Variants in PCLO observed in about 807,000 individuals in gnomAD.
PCLO encodes piccolo presynaptic cytomatrix protein.
In PCLO, 82 loss-of-function variants were observed where a neutral mutation model predicts 427.5. The ratio of observed to expected loss-of-function variants is 0.19; its 90% confidence interval spans 0.16 to 0.23. The LOEUF is 0.23. Among genes scored for constraint, PCLO ranks in the 10% least tolerant of loss-of-function variants. The probability of loss-of-function intolerance (pLI) is 1.00; values close to 1 mark genes in which losing one functional copy is unlikely to be tolerated. For missense variants in PCLO, 6,239 were observed against 6,115.9 expected (o/e 1.02, Z -0.67); for synonymous variants, 2,357 against 2,155.4 (o/e 1.09, Z -2.59).
intron 20 of PCLO, among the ~76,000 whole-genome samples, chr7:82,812,917 A>G (rs1464629364): frequency 6.6e-6 from 1 of 151,574 alleles, no homozygotes; most frequent in Non-Finnish European, 1.5e-5. Flanking sequence ...TTGGAGAAAA[A>G]AAAAACTCAA....
rs760707503 is a variant in PCLO, at chr7:83,046,893, C to T, written c.3301-80406G>A. Among the ~76,000 whole-genome samples the T allele has an allele frequency of 3.3e-5, 5 of 151,788 alleles. No individual in the cohort carries two copies. In the South Asian group the frequency reaches 6.2e-4, roughly 19 times the overall value. ...AGCAAAGCTGGGTTTTGCCCAGAAGCAAGAATTTTAAAAGTAAGAAGAAAA... is the reference window on the plus strand; with the variant it reads ...AGCAAAGCTGGGTTTTGCCCAGAAGTAAGAATTTTAAAAGTAAGAAGAAAA... On this transcript the variant is annotated intron_variant, in intron 3 of 24. Coordinates refer to ENST00000333891, the MANE Select transcript of PCLO (RefSeq NM_033026.6).
chr7:83,093,490 ATATTT>A (rs1193959700), intron 3 of PCLO, among the ~76,000 whole-genome samples: 1 of 66,004 alleles, frequency 1.5e-5, no homozygotes, highest in Non-Finnish European at 2.7e-5. Context: ...ATATATATAT[ATATTT>A]TTTTTTTTTT....
rs1380706112 is a variant in PCLO at position 82,809,503 on chromosome 7, T to A, written c.14792-3674A>T. ...CCTATGTCTGGACTCTTGTAGCACATACTCTGTCGTTATTGGAAGCAAAGC... is the reference window on the plus strand; with the variant it reads ...CCTATGTCTGGACTCTTGTAGCACAAACTCTGTCGTTATTGGAAGCAAAGC... On this transcript the variant is annotated intron_variant, in intron 20 of 24. Coordinates refer to ENST00000333891, the MANE Select transcript of PCLO (RefSeq NM_033026.6). 2.0e-5 allele frequency among the ~76,000 whole-genome samples: 3 copies of A among 151,686 alleles called. No homozygotes were observed. In the South Asian group the frequency reaches 6.2e-4, roughly 31 times the overall value.
intron 22 of PCLO, among the ~76,000 whole-genome samples, chr7:82,782,981 C>G (rs1196991828): frequency 6.6e-6 from 1 of 152,182 alleles, no homozygotes; most frequent in Non-Finnish European, 1.5e-5. Context: ...ATCTGACCCA[C>G]ATAGGAAAAA....
chr7:83,038,011 A>ATATATATATATTTATATATT (rs1788845845), intron 3 of PCLO, among the ~76,000 whole-genome samples: 2 of 44,996 alleles, frequency 4.4e-5, no homozygotes, highest in African/African-American at 3.0e-4. Flanking sequence ...ATATATATAT[A>ATATATATATATTTATATATT]TATATATATA....
At chr7:82,959,359 TG>T (rs1795604426) in intron 4 of PCLO, among the ~76,000 whole-genome samples, 1 of 152,196 alleles carries the variant, frequency 6.6e-6, no homozygotes, top group African/African-American at 2.4e-5. Flanking sequence ...CCACCGTGCC[TG>T]GCCATGTGTA....
Position 82,915,299 on chromosome 7 carries a change from G to A in PCLO, c.12687C>T (p.Gly4229=). 6.2e-7 allele frequency: 1 copy of A among 1,613,640 alleles called. No individual in the cohort carries two copies. Among genetic ancestry groups the A allele is most frequent in the Non-Finnish European group, 8.5e-7 (1 of 1,179,728 alleles). Residue 4229 remains glycine (G), a synonymous_variant, in exon 7 of 25, where the codon GGC becomes GGT. Coordinates refer to ENST00000333891, the MANE Select transcript of PCLO (RefSeq NM_033026.6). ...GAAGGAGCCTTGCCCTGGAGGAAAT[G>A]CCACCAATAGATGAAGTGCTAGAAG... ...YMTSSTSSIG[G]ISSRARLLQD... is the part of the protein sequence containing the mutation.
At chr7:82,882,436 C>T (rs1584096241) in intron 9 of PCLO, among the ~76,000 whole-genome samples, 1 of 152,040 alleles carries the variant, frequency 6.6e-6, no homozygotes, top group South Asian at 2.1e-4. Context: ...TGATGAAATG[C>T]TTCTTCAGAT....
chr7:82,859,255 C>T (rs1792891198), intron 10 of PCLO, among the ~76,000 whole-genome samples: 1 of 152,140 alleles, frequency 6.6e-6, no homozygotes, highest in South Asian at 2.1e-4. Flanking sequence ...TGTGAGTGAA[C>T]ATAGGCAATA....
chr7:82,847,136 C>T lies in PCLO; in HGVS notation c.13763+3G>A. ...GGAAACAGAAAGATGGGGAAAAACT[C>T]ACAGTCTTACACATATTTCTGCTTC... On this transcript the variant is annotated splice_donor_region_variant and intron_variant, in intron 11 of 24. Coordinates refer to ENST00000333891, the MANE Select transcript of PCLO (RefSeq NM_033026.6). The T allele has an allele frequency of 6.7e-7, 1 of 1,502,678 alleles. No homozygotes were observed. Among genetic ancestry groups the T allele is most frequent in the Non-Finnish European group, 9.2e-7 (1 of 1,084,652 alleles). The allele number at this position is 1,502,678 out of a possible 1,614,324, so 93.1% of individuals were successfully genotyped here. A position where few individuals can be genotyped will look rare whatever the true frequency, so the allele number is the denominator to read the frequency against.
At chr7:83,133,818 T>C (rs942979827) in intron 3 of PCLO, among the ~76,000 whole-genome samples, 9 of 152,086 alleles carry the variant, frequency 5.9e-5, no homozygotes, top group African/African-American at 1.9e-4. Flanking sequence ...TTTATTAATG[T>C]ATTACAGAGA....
At chr7:83,123,178 C>G (rs1414542683) in intron 3 of PCLO, among the ~76,000 whole-genome samples, 1 of 152,000 alleles carries the variant, frequency 6.6e-6, no homozygotes, top group Non-Finnish European at 1.5e-5. Flanking sequence ...CCATCCTGAG[C>G]AAAAGGAATA....
At position 82,914,926 on chromosome 7, in the gene PCLO, C is replaced by T; in HGVS notation, c.13060G>A (p.Val4354Met). 2 of 1,613,652 alleles carry T rather than the reference C, an allele frequency of 1.2e-6. No homozygotes were observed. The highest frequency in any genetic ancestry group is 1.7e-6 in the Non-Finnish European group (2 of 1,179,746). Reference sequence around the variant, plus strand: ...CTTTCTTCTTCAGAATTCTGGGCCACAATTGGTATTCTTCCTCTACTTTGA... The same window carrying T: ...CTTTCTTCTTCAGAATTCTGGGCCATAATTGGTATTCTTCCTCTACTTTGA... Reference protein sequence around the residue: ...ISQSRGRIPIVAQNSEEESPL... With the variant: ...ISQSRGRIPIMAQNSEEESPL... Residue 4354 changes from valine to methionine, a missense_variant, in exon 7 of 25, where the codon GTG (valine) becomes ATG (methionine). Physicochemically the swap from Val to Met is conservative, Grantham distance 21. Around this residue, in one of 5 missense-constraint regions of PCLO, gnomAD observed 680 missense variants for 677.3 expected, o/e 1.00. Transcript: ENST00000333891.
At chr7:82,770,252 T>G (rs765655114) in intron 22 of PCLO, among the ~76,000 whole-genome samples, 3 of 152,056 alleles carry the variant, frequency 2.0e-5, no homozygotes, top group African/African-American at 7.2e-5. Flanking sequence ...CCTTATTCTT[T>G]TTTTAAAAAT....
At chr7:82,863,034 C>T (rs1388552975) in intron 10 of PCLO, among the ~76,000 whole-genome samples, 4 of 151,934 alleles carry the variant, frequency 2.6e-5, no homozygotes, top group Non-Finnish European at 5.9e-5. Context: ...AGGATAAATG[C>T]TTGAGGGCAT....
intron 6 of PCLO, among the ~76,000 whole-genome samples, chr7:82,929,476 A>G (rs1794791728): frequency 6.6e-6 from 1 of 152,206 alleles, no homozygotes; most frequent in African/African-American, 2.4e-5. Context: ...AAATAAAAAA[A>G]TCAAAATAAT....
intron 4 of PCLO, among the ~76,000 whole-genome samples, chr7:82,958,129 A>G (rs986696725): frequency 2.0e-5 from 3 of 152,206 alleles, no homozygotes; most frequent in Non-Finnish European, 4.4e-5. Context: ...AGAGCATGCT[A>G]TAGCTCATTC....
chr7:83,040,462 G>A (rs565662527), intron 3 of PCLO, among the ~76,000 whole-genome samples: 1 of 152,128 alleles, frequency 6.6e-6, no homozygotes, highest in East Asian at 1.9e-4. Context: ...AACGTCCTGG[G>A]GCATAAATTG....
intron 3 of PCLO, among the ~76,000 whole-genome samples, chr7:83,093,658 A>C (rs1467696826): frequency 1.3e-5 from 2 of 149,512 alleles, no homozygotes; most frequent in Non-Finnish European, 3.0e-5. Flanking sequence ...ACACCCGGCT[A>C]ATTTTTTTTA....
Sources: allele counts gnomAD v4.1 joint callset (sites outside exome capture counted in the v4.1 genomes callset), GRCh38; gene constraint gnomAD v4.1.1; regional missense constraint gnomAD v4.1.1; transcripts MANE v1.5; gene names NCBI Gene and HGNC (gene_info 2026-07-23, HGNC 2026-07-21).